The following MICAL2 variants were observed in gnomAD, a reference collection of about 807,000 sequenced individuals.
MICAL2 encodes microtubule associated monooxygenase, calponin and LIM domain containing 2.
In MICAL2, 77 loss-of-function variants were observed where a neutral mutation model predicts 127.3. That is an observed-to-expected ratio of 0.60 (90% CI 0.50 to 0.73). The LOEUF (loss-of-function observed/expected upper bound fraction) is 0.73. MICAL2 is among the 30% of genes least tolerant of loss of function. MICAL2 has a pLI of 0.00. For missense variants in MICAL2, 1,351 were observed against 1,434.4 expected (o/e 0.94, Z 0.94); for synonymous variants, 570 against 551.1 (o/e 1.03, Z -0.48).
chr11:12,152,794 T>C (rs550429620), intron 2 of MICAL2, among the ~76,000 whole-genome samples: 1 of 152,160 alleles, frequency 6.6e-6, no homozygotes, highest in Non-Finnish European at 1.5e-5. Context: ...AAACAGCAAA[T>C]GTCTTTCATT....
intron 33 of MICAL2, among the ~76,000 whole-genome samples, chr11:12,352,693 G>C (rs1939070915): frequency 6.6e-6 from 1 of 152,210 alleles, no homozygotes; most frequent in Non-Finnish European, 1.5e-5. Flanking sequence ...ACACTTCAAA[G>C]AACAAGAGGT....
At chr11:12,311,146 CCTT>C (rs1555020440) in intron 29 of MICAL2, among the ~76,000 whole-genome samples, 2 of 152,186 alleles carry the variant, frequency 1.3e-5, no homozygotes, top group East Asian at 1.9e-4. Flanking sequence ...TTATTTGACT[CCTT>C]CTTTTCCAGT....
chr11:12,231,020 G>A (rs538665182), intron 15 of MICAL2, among the ~76,000 whole-genome samples: 1 of 152,286 alleles, frequency 6.6e-6, no homozygotes, highest in South Asian at 2.1e-4. Context: ...GTTCCTGGGG[G>A]CTCCAGGGCT....
intron 1 of MICAL2, among the ~76,000 whole-genome samples, chr11:12,115,791 T>TA (rs983765086): frequency 1.3e-5 from 2 of 152,158 alleles, no homozygotes; most frequent in African/African-American, 4.8e-5. Flanking sequence ...TTTATTTTCT[T>TA]AAAAAAGAAG....
At chr11:12,319,718 A>G (rs1448572919) in exon 30 of MICAL2, 1 of 1,613,834 alleles carries the variant, frequency 6.2e-7, no homozygotes, top group Non-Finnish European at 8.5e-7. Context: ...TTCCCCTCAG[A>G]GCACAGGTAA....
exon 1 of MICAL2, chr11:12,276,080 G>T: frequency 2.5e-6 from 1 of 399,226 alleles, no homozygotes; most frequent in East Asian, 3.6e-5. Context: ...CCTCCGAGTG[G>T]ACCTCAGTGA....
chr11:12,333,841 A>G (rs1161269058), intron 32 of MICAL2, among the ~76,000 whole-genome samples: 2 of 152,158 alleles, frequency 1.3e-5, no homozygotes, highest in Non-Finnish European at 2.9e-5. Flanking sequence ...TATGGAGCCA[A>G]TTTTAATACT....
At chr11:12,249,078 C>T in intron 21 of MICAL2, 106 bp from the exon 22 acceptor site, 1 of 1,468,542 alleles carries the variant, frequency 6.8e-7, no homozygotes, top group Non-Finnish European at 9.4e-7. Context: ...CTAACCTATG[C>T]AAAATGCCTG....
chr11:12,249,763 C>T (rs975953382), intron 22 of MICAL2, among the ~76,000 whole-genome samples: 8 of 152,340 alleles, frequency 5.3e-5, no homozygotes, highest in Middle Eastern at 3.4e-3. Context: ...CCAAACTCAG[C>T]GGAGAAGTGT....
chr11:12,271,277 A>G (rs959302496), upstream of MICAL2, among the ~76,000 whole-genome samples: 29 of 152,166 alleles, frequency 1.9e-4, no homozygotes, highest in African/African-American at 6.5e-4. Context: ...GTCATCCTCC[A>G]GCCCCCATTA....
chr11:12,190,178 CAT>C (rs959534593), intron 3 of MICAL2, among the ~76,000 whole-genome samples: 26 of 152,146 alleles, frequency 1.7e-4, no homozygotes, highest in Non-Finnish European at 3.2e-4. Flanking sequence ...GCCTGGAAGA[CAT>C]GTGTGAGTTG....
intron 12 of MICAL2, chr11:12,224,448 C>A: frequency 1.8e-6 from 1 of 556,836 alleles, no homozygotes; most frequent in African/African-American, 1.9e-5. Context: ...AGGAACTCTG[C>A]TGGAAGAGAA....
intron 26 of MICAL2, chr11:12,261,363 T>A: frequency 1.0e-6 from 1 of 985,394 alleles, no homozygotes; most frequent in East Asian, 1.1e-4. Flanking sequence ...ATTTATGGAC[T>A]GATCCAAAGG....
At chr11:12,118,376 GC>G (rs1420273844) in intron 1 of MICAL2, among the ~76,000 whole-genome samples, 1 of 152,154 alleles carries the variant, frequency 6.6e-6, no homozygotes, top group Non-Finnish European at 1.5e-5. Context: ...GTTGTCCCCA[GC>G]CCCCTGTGGA....
At chr11:12,145,788 G>A (rs558026029) in intron 2 of MICAL2, among the ~76,000 whole-genome samples, 1 of 152,326 alleles carries the variant, frequency 6.6e-6, no homozygotes, top group East Asian at 1.9e-4. Flanking sequence ...ACTCTGGGGT[G>A]AGGGACATGG....
chr11:12,249,726 C>T (rs1034654934), intron 22 of MICAL2, among the ~76,000 whole-genome samples: 2 of 152,238 alleles, frequency 1.3e-5, no homozygotes, highest in African/African-American at 4.8e-5. Flanking sequence ...GCTCGATGCT[C>T]CTGGCAGGCT....
chr11:12,119,872 A>G (rs1850363593), intron 1 of MICAL2, among the ~76,000 whole-genome samples: 1 of 152,160 alleles, frequency 6.6e-6, no homozygotes, highest in South Asian at 2.1e-4. Flanking sequence ...TGACACTCGG[A>G]TGCTTCCTGA....
At chr11:12,119,710 G>C (rs1182485686) in intron 1 of MICAL2, among the ~76,000 whole-genome samples, 3 of 152,192 alleles carry the variant, frequency 2.0e-5, no homozygotes, top group African/African-American at 7.2e-5. Flanking sequence ...GGTGGGGCTT[G>C]AGAGTGGGGT....
At chr11:12,361,068 C>T (rs1939198204), downstream of MICAL2, among the ~76,000 whole-genome samples, 1 of 152,158 alleles carries the variant, frequency 6.6e-6, no homozygotes, top group African/African-American at 2.4e-5. Context: ...GTCTGCAGTG[C>T]CCCATAAAAG....
Sources: gnomAD v4.1 joint callset for allele counts (sites outside exome capture counted in the v4.1 genomes callset) on GRCh38, gnomAD v4.1.1 for gene constraint, MANE v1.5 for transcripts, NCBI Gene and HGNC (gene_info 2026-07-23, HGNC 2026-07-21) for gene names.